The following STAG1 variants were observed in gnomAD, a reference collection of about 807,000 sequenced individuals.
STAG1 encodes STAG1 cohesin complex component.
A neutral mutation model predicts 170.9 loss-of-function variants in STAG1; 26 were observed. That is an observed-to-expected ratio of 0.15 (90% CI 0.11 to 0.21). STAG1 has a LOEUF of 0.21. Among genes scored for constraint, STAG1 ranks in the 10% least tolerant of loss-of-function variants. The probability of loss-of-function intolerance (pLI) is 1.00; values close to 1 mark genes in which losing one functional copy is unlikely to be tolerated. For missense variants in STAG1, 964 were observed against 1,509.5 expected (o/e 0.64, Z 5.99); for synonymous variants, 514 against 497.7 (o/e 1.03, Z -0.44).
intron 15 of STAG1, among the ~76,000 whole-genome samples, chr3:136,439,440 AC>A (rs2088568641): frequency 1.3e-5 from 1 of 77,944 alleles, no homozygotes; most frequent in Non-Finnish European, 3.2e-5. Context: ...ACACACACAC[AC>A]AAACACTGTA....
At chr3:136,736,889 C>T (rs1934373585) in intron 1 of STAG1, 6 of 1,585,464 alleles carry the variant, frequency 3.8e-6, no homozygotes, top group Non-Finnish European at 8.6e-7. Context: ...TGAATTACAT[C>T]CAGGGTCCTC....
intron 16 of STAG1, among the ~76,000 whole-genome samples, chr3:136,423,565 C>G (rs1474082165): frequency 1.3e-5 from 2 of 152,292 alleles, no homozygotes; most frequent in East Asian, 3.9e-4. Flanking sequence ...ATAGTTTGTG[C>G]TCATGGAACA....
At chr3:136,439,389 G>GACACACACACACACAC (rs753912835) in intron 15 of STAG1, among the ~76,000 whole-genome samples, 34 of 95,866 alleles carry the variant, frequency 3.5e-4, no homozygotes, top group African/African-American at 9.2e-4. Flanking sequence ...AACACCCCCC[G>GACACACACACACACAC]ACACACACAC....
intron 22 of STAG1, among the ~76,000 whole-genome samples, chr3:136,393,797 T>A (rs548487682): frequency 6.3e-4 from 96 of 152,300 alleles, no homozygotes; most frequent in African/African-American, 2.3e-3. Flanking sequence ...GGTTTCACCA[T>A]GTTGGTCAGG....
chr3:136,452,151 G>A lies in STAG1; in HGVS notation c.1314-4C>T. The A allele has an allele frequency of 6.2e-7, 1 of 1,601,268 alleles. No homozygotes were observed. The highest frequency in any genetic ancestry group is 8.5e-7 in the Non-Finnish European group (1 of 1,171,112). On this transcript the variant is annotated splice_region_variant and splice_polypyrimidine_tract_variant and intron_variant, in intron 13 of 33. Coordinates refer to ENST00000383202, the MANE Select transcript of STAG1 (RefSeq NM_005862.3). Reference sequence around the variant, plus strand: ...TGGGTCATGTCTGCTAAATAGCCTGGAAATGAAAAACAGGGCATTGCAAAG... The same window carrying A: ...TGGGTCATGTCTGCTAAATAGCCTGAAAATGAAAAACAGGGCATTGCAAAG...
intron 21 of STAG1, among the ~76,000 whole-genome samples, chr3:136,405,228 CCT>C (rs2087443512): frequency 7.9e-6 from 1 of 126,498 alleles, no homozygotes; most frequent in African/African-American, 2.8e-5. Context: ...CATGAAAAAA[CCT>C]CTTTTTTTTT....
chr3:136,740,053 T>C (rs951800043), intron 1 of STAG1, among the ~76,000 whole-genome samples: 11 of 152,112 alleles, frequency 7.2e-5, no homozygotes, highest in African/African-American at 2.4e-4. Context: ...TTGTGAACTA[T>C]ATCAATTATA....
intron 13 of STAG1, among the ~76,000 whole-genome samples, chr3:136,462,428 A>G (rs1426968927): frequency 6.6e-6 from 1 of 152,188 alleles, no homozygotes; most frequent in Non-Finnish European, 1.5e-5. Context: ...AAGTGAATTA[A>G]GCCAAGCACA....
intron 14 of STAG1, among the ~76,000 whole-genome samples, chr3:136,448,421 T>A (rs2088845674): frequency 6.6e-6 from 1 of 152,144 alleles, no homozygotes; most frequent in Non-Finnish European, 1.5e-5. Context: ...CAAAGGGACA[T>A]CTTACATGGT....
intron 7 of STAG1, among the ~76,000 whole-genome samples, chr3:136,520,272 G>A (rs1443504305): frequency 6.6e-6 from 1 of 152,078 alleles, no homozygotes; most frequent in Non-Finnish European, 1.5e-5. Context: ...ATTCTGGTGT[G>A]TGCTAAAGTC....
At position 136,433,712 on chromosome 3, in the gene STAG1, GT is replaced by G. The variant is rs1037704539; in HGVS notation, c.1547-54del. 13 of 1,230,138 alleles carry G rather than the reference GT, an allele frequency of 1.1e-5. No homozygotes were observed. In the African/African-American group the frequency reaches 1.8e-4, roughly 17 times the overall value. The allele number at this position is 1,230,138 out of a possible 1,614,324, so 76.2% of individuals were successfully genotyped here. A position where few individuals can be genotyped will look rare whatever the true frequency, so the allele number is the denominator to read the frequency against. On this transcript the variant is annotated intron_variant, in intron 15 of 33. Coordinates refer to ENST00000383202, the MANE Select transcript of STAG1 (RefSeq NM_005862.3). ...GAGTAGACAGTTTTACAACAACCATGTATTAAAAATGAACACATTATTAAAA... is the reference window on the plus strand; with the variant it reads ...GAGTAGACAGTTTTACAACAACCATGATTAAAAATGAACACATTATTAAAA...
At chr3:136,540,207 G>A (rs1279371820) in intron 6 of STAG1, among the ~76,000 whole-genome samples, 2 of 150,856 alleles carry the variant, frequency 1.3e-5, no homozygotes. Context: ...GTAACAAAAG[G>A]AATAATATCT....
chr3:136,698,369 A>G (rs1942958422), intron 1 of STAG1, among the ~76,000 whole-genome samples: 1 of 152,240 alleles, frequency 6.6e-6, no homozygotes, highest in South Asian at 2.1e-4. Context: ...AAGAAGATAT[A>G]CAGCTAACAA....
At chr3:136,717,684 A>G (rs894349259) in intron 1 of STAG1, among the ~76,000 whole-genome samples, 2 of 152,176 alleles carry the variant, frequency 1.3e-5, no homozygotes, top group African/African-American at 2.4e-5. Context: ...ATTAATACGG[A>G]AAAAAATTGT....
chr3:136,628,401 T>C (rs1340163073), intron 2 of STAG1, among the ~76,000 whole-genome samples: 2 of 152,162 alleles, frequency 1.3e-5, no homozygotes, highest in Non-Finnish European at 2.9e-5. Flanking sequence ...GGTACTGATA[T>C]GATATTGTTC....
intron 25 of STAG1, among the ~76,000 whole-genome samples, chr3:136,366,227 AATG>A (rs1287822214): frequency 1.3e-5 from 2 of 152,048 alleles, no homozygotes; most frequent in African/African-American, 4.8e-5. Flanking sequence ...CTTATATGTA[AATG>A]ATGATACTAT....
chr3:136,475,280 G>T (rs2089721184), intron 10 of STAG1, among the ~76,000 whole-genome samples: 1 of 150,996 alleles, frequency 6.6e-6, no homozygotes, highest in Admixed American at 6.7e-5. Flanking sequence ...CCGAGTAGCT[G>T]AAATTACAGG....
chr3:136,692,450 C>T (rs1380582814), intron 1 of STAG1, among the ~76,000 whole-genome samples: 1 of 150,626 alleles, frequency 6.6e-6, no homozygotes, highest in African/African-American at 2.4e-5. Context: ...GCCTGCTTAA[C>T]ATGGTGAAAC....
chr3:136,477,041 T>G (rs781447451), intron 10 of STAG1, among the ~76,000 whole-genome samples: 17 of 152,134 alleles, frequency 1.1e-4, no homozygotes, highest in African/African-American at 3.4e-4. Flanking sequence ...TCTGAAAACT[T>G]TATATATACC....
Sources: allele counts gnomAD v4.1 joint callset (sites outside exome capture counted in the v4.1 genomes callset), GRCh38; gene constraint gnomAD v4.1.1; transcripts MANE v1.5; gene names NCBI Gene and HGNC (gene_info 2026-07-23, HGNC 2026-07-21).